The following TMC1 variants were observed in gnomAD, a reference collection of about 807,000 sequenced individuals.
The protein encoded by TMC1 is transmembrane channel-like protein 1.
Under a neutral mutation model 105.8 loss-of-function variants are expected in TMC1, and 84 were observed. The ratio of observed to expected loss-of-function variants is 0.79; its 90% confidence interval spans 0.67 to 0.95. The LOEUF (loss-of-function observed/expected upper bound fraction) is 0.95. Among genes scored for constraint, TMC1 ranks in the 40% least tolerant of loss-of-function variants. The pLI, the probability that TMC1 is intolerant of heterozygous loss-of-function variation, is 0.00. For synonymous variants in TMC1, 315 were observed against 311.5 expected, an observed-to-expected ratio of 1.01 and a Z score of -0.12; for missense variants, 817 against 914.1, an observed-to-expected ratio of 0.89 and a Z score of 1.37.
At chr9:72,595,990 C>T (rs1207299864) in intron 2 of TMC1, among the ~76,000 whole-genome samples, 2 of 151,898 alleles carry the variant, frequency 1.3e-5, no homozygotes, top group African/African-American at 4.8e-5. Context: ...GATTCTTCCG[C>T]CTCAGCCTCC....
chr9:72,633,911 T>C (rs9314799), intron 4 of TMC1, among the ~76,000 whole-genome samples: 75,313 of 151,898 alleles, frequency 0.5, 18,974 homozygotes, highest in African/African-American at 0.59. Flanking sequence ...CTATAATGGC[T>C]CAAGTGGGTT....
At chr9:72,682,774 T>C (rs1310105010) in intron 5 of TMC1, among the ~76,000 whole-genome samples, 1 of 152,174 alleles carries the variant, frequency 6.6e-6, no homozygotes, top group Non-Finnish European at 1.5e-5. Flanking sequence ...AAGAACTACC[T>C]GAGACAGGGT....
At position 72,665,660 on chromosome 9, in the gene TMC1, T is replaced by C. The variant is rs577427370; in HGVS notation, c.16+16996T>C. Among the ~76,000 whole-genome samples the C allele has an allele frequency of 2.4e-4, 37 of 152,370 alleles. No individual in the cohort carries two copies. In the South Asian group the frequency reaches 2.5e-3, roughly 10 times the overall value. ...GTCTGACAACTGGTGACTCAGGCTCTAGTCAGGAGACCTGAATGTTACGTC... is the reference window on the plus strand; with the variant it reads ...GTCTGACAACTGGTGACTCAGGCTCCAGTCAGGAGACCTGAATGTTACGTC... On this transcript the variant is annotated intron_variant, in intron 5 of 23. Coordinates refer to ENST00000297784, the MANE Select transcript of TMC1 (RefSeq NM_138691.3).
chr9:72,638,434 T>C (rs1825570043), intron 4 of TMC1, among the ~76,000 whole-genome samples: 1 of 152,206 alleles, frequency 6.6e-6, no homozygotes, highest in African/African-American at 2.4e-5. Context: ...GGAACTCGTG[T>C]ACCTCTCGCA....
At chr9:72,806,839 G>A (rs544088007) in intron 18 of TMC1, among the ~76,000 whole-genome samples, 9 of 152,226 alleles carry the variant, frequency 5.9e-5, no homozygotes, top group African/African-American at 1.4e-4. Flanking sequence ...AGGCAGAGAC[G>A]CTCCTCACTT....
intron 5 of TMC1, among the ~76,000 whole-genome samples, chr9:72,657,712 T>C (rs1825905901): frequency 6.6e-6 from 1 of 152,184 alleles, no homozygotes; most frequent in Non-Finnish European, 1.5e-5. Flanking sequence ...TTTTGTCTAA[T>C]GTCTTTATAG....
chr9:72,647,774 C>T (rs930185280), intron 4 of TMC1, among the ~76,000 whole-genome samples: 3 of 139,532 alleles, frequency 2.2e-5, no homozygotes, highest in African/African-American at 7.8e-5. Flanking sequence ...CCACCAGGAT[C>T]CATTTCAAAA....
intron 5 of TMC1, among the ~76,000 whole-genome samples, chr9:72,673,985 T>C (rs905436345): frequency 3.3e-5 from 5 of 152,080 alleles, no homozygotes; most frequent in African/African-American, 1.2e-4. Flanking sequence ...TACAGACCAC[T>C]GTATGCAAGA....
At chr9:72,801,445 C>A (rs1393813610) in intron 17 of TMC1, among the ~76,000 whole-genome samples, 1 of 152,164 alleles carries the variant, frequency 6.6e-6, no homozygotes, top group African/African-American at 2.4e-5. Flanking sequence ...ATGACAGGAG[C>A]CCCAGTTCAG....
chr9:72,586,222 T>C (rs1372356300), intron 2 of TMC1, among the ~76,000 whole-genome samples: 1 of 152,208 alleles, frequency 6.6e-6, no homozygotes, highest in African/African-American at 2.4e-5. Context: ...TTGATGGAGA[T>C]GCCAGTTTGA....
intron 18 of TMC1, among the ~76,000 whole-genome samples, chr9:72,808,695 C>T (rs1177048197): frequency 1.3e-5 from 2 of 152,182 alleles, no homozygotes; most frequent in Non-Finnish European, 2.9e-5. Flanking sequence ...CTGCCTCCTT[C>T]GAAGCATGTG....
rs1823344901 is a variant in TMC1 at position 72,523,206 on chromosome 9, G to C, written c.-428+1293G>C. On this transcript the variant is annotated intron_variant, in intron 1 of 23. Coordinates refer to ENST00000297784, the MANE Select transcript of TMC1 (RefSeq NM_138691.3). ...GAGGAAAAATTAGGAAATGAAGTGG[G>C]CTGAGTTGCAGTTAGCCTGTGGGGA... 2.0e-5 allele frequency among the ~76,000 whole-genome samples: 3 copies of C among 152,102 alleles called. 1 individual carries two copies. In the South Asian group the frequency reaches 6.2e-4, roughly 32 times the overall value.
At chr9:72,552,819 TTATC>T (rs1191222177) in intron 1 of TMC1, among the ~76,000 whole-genome samples, 1 of 152,156 alleles carries the variant, frequency 6.6e-6, no homozygotes, top group African/African-American at 2.4e-5. Context: ...GCTGATCTAT[TTATC>T]ATATTAAAAG....
chr9:72,546,606 C>T (rs1017195900), intron 1 of TMC1, among the ~76,000 whole-genome samples: 6 of 152,274 alleles, frequency 3.9e-5, no homozygotes, highest in Admixed American at 3.3e-4. Context: ...GCCTTTCCAC[C>T]AGTTCTCTGC....
At chr9:72,704,127 T>G (rs148136466) in intron 8 of TMC1, among the ~76,000 whole-genome samples, 1,808 of 152,226 alleles carry the variant, frequency 0.012, 28 homozygotes, top group African/African-American at 0.041. Flanking sequence ...CTTTATTTCT[T>G]TCAGAGACAT....
Position 72,621,773 on chromosome 9 carries a change from C to T in TMC1, c.-196+5296C>T, listed in dbSNP as rs575206770. On this transcript the variant is annotated intron_variant, in intron 3 of 23. Coordinates refer to ENST00000297784, the MANE Select transcript of TMC1 (RefSeq NM_138691.3). ...TTCCTTCATATATTCATACTCTCCT[C>T]GGGTGAACATAAATTGGCACATTTA... Among the ~76,000 whole-genome samples, 22 of 151,952 alleles carry T rather than the reference C, an allele frequency of 1.4e-4. No individual in the cohort carries two copies. The South Asian group carries it at 4.0e-3, about 27-fold the overall frequency.
At chr9:72,563,662 GCTGAGATGGGTGGATCAC>G (rs1242683195) in intron 1 of TMC1, among the ~76,000 whole-genome samples, 2 of 152,050 alleles carry the variant, frequency 1.3e-5, no homozygotes, top group Non-Finnish European at 2.9e-5. Flanking sequence ...ATTTTGGGAG[GCTGAGATGGGTGGATCAC>G]CTGAGGCCAG....
At chr9:72,721,524 C>T (rs2117948008) in intron 8 of TMC1, among the ~76,000 whole-genome samples, 1 of 152,302 alleles carries the variant, frequency 6.6e-6, no homozygotes, top group African/African-American at 2.4e-5. Context: ...GTTAATCTGT[C>T]ATTTGTTACA....
At chr9:72,794,212 C>A (rs1253847782) in intron 17 of TMC1, among the ~76,000 whole-genome samples, 1 of 152,114 alleles carries the variant, frequency 6.6e-6, no homozygotes, top group Non-Finnish European at 1.5e-5. Context: ...AGGAGATAAG[C>A]AAAAGACCCT....
Sources: gnomAD v4.1 joint callset for allele counts (sites outside exome capture counted in the v4.1 genomes callset) on GRCh38, gnomAD v4.1.1 for gene constraint, MANE v1.5 for transcripts, NCBI Gene and HGNC (gene_info 2026-07-23, HGNC 2026-07-21) for gene names.